DHX15: variants seen among roughly 807,000 people sequenced by gnomAD.
DHX15 encodes the protein ATP-dependent RNA helicase DHX15.
In DHX15, 11 loss-of-function variants were observed where a neutral mutation model predicts 94.4. That is an observed-to-expected ratio of 0.12 (90% CI 0.07 to 0.19). The LOEUF (loss-of-function observed/expected upper bound fraction) is 0.19, where lower values mean the gene tolerates loss of function less well. Among genes scored for constraint, DHX15 ranks in the 10% least tolerant of loss-of-function variants. The pLI is 1.00. For missense variants in DHX15, 304 were observed against 988.5 expected, an observed-to-expected ratio of 0.31 and a Z score of 9.29; for synonymous variants, 338 against 329.9, an observed-to-expected ratio of 1.02 and a Z score of -0.27.
chr4:24,527,548 T>C lies in DHX15; in HGVS notation c.*376A>G, dbSNP rs1052849712. On this transcript the variant is annotated 3_prime_UTR_variant, in exon 14 of 14. Transcript: ENST00000336812. Reference sequence around the variant, plus strand: ...AAGATTGTGTCTACATAAGCACAAGTTGTAACATTTCACAACTTCTAAAAG... The same window carrying C: ...AAGATTGTGTCTACATAAGCACAAGCTGTAACATTTCACAACTTCTAAAAG... The C allele has an allele frequency of 3.5e-5, 6 of 170,644 alleles. No individual in the cohort carries two copies. Among genetic ancestry groups the C allele is most frequent in the Non-Finnish European group, 7.6e-5 (6 of 78,828 alleles). 10.6% of individuals were successfully genotyped at this position (170,644 alleles called of 1,614,324 possible).
At chr4:24,570,082 T>A (rs1393625513) in intron 3 of DHX15, among the ~76,000 whole-genome samples, 1 of 152,206 alleles carries the variant, frequency 6.6e-6, no homozygotes, top group Non-Finnish European at 1.5e-5. Context: ...CAATAAAAAG[T>A]TGGTAGAGTT....
chr4:24,529,618 T>C lies in DHX15; in HGVS notation c.2253A>G (p.Thr751=). ...LTTKNYIRTC[T]DIKPEWLVKI... ...GTACTTACCATTCTGGCTTGATATC[T>C]GTACATGTCCGGATGTAATTCTTTG... Residue 751 remains threonine, a synonymous_variant, in exon 13 of 14, where the codon ACA becomes ACG. Coordinates refer to ENST00000336812, the MANE Select transcript of DHX15 (RefSeq NM_001358.3). The C allele has an allele frequency of 6.2e-7, 1 of 1,614,164 alleles. No individual in the cohort carries two copies. The highest frequency in any genetic ancestry group is 1.6e-4 in the Middle Eastern group (1 of 6,062).
At chr4:24,552,933 C>G (rs183784496) in intron 5 of DHX15, among the ~76,000 whole-genome samples, 1 of 152,332 alleles carries the variant, frequency 6.6e-6, no homozygotes. Flanking sequence ...AAAAACCTTT[C>G]GGGTCCTTAA....
At chr4:24,562,540 A>G (rs914379381) in intron 3 of DHX15, among the ~76,000 whole-genome samples, 5 of 152,320 alleles carry the variant, frequency 3.3e-5, no homozygotes, top group South Asian at 4.1e-4. Flanking sequence ...GTTTAAAATA[A>G]AACAATGTAC....
chr4:24,562,131 C>CAAAAAAA (rs71196191), intron 3 of DHX15, among the ~76,000 whole-genome samples: 3 of 77,824 alleles, frequency 3.9e-5, no homozygotes, highest in African/African-American at 4.9e-5. Context: ...GACACTGTCT[C>CAAAAAAA]AAAAAAAAAA....
At chr4:24,567,138 T>C (rs1023083854) in intron 3 of DHX15, among the ~76,000 whole-genome samples, 2 of 152,204 alleles carry the variant, frequency 1.3e-5, no homozygotes, top group African/African-American at 4.8e-5. Flanking sequence ...AGGAAGCATA[T>C]CACCTAAAAT....
At chr4:24,552,903 C>T (rs28390996) in intron 5 of DHX15, among the ~76,000 whole-genome samples, 5,354 of 152,282 alleles carry the variant, frequency 0.035, 285 homozygotes, top group African/African-American at 0.11. Context: ...CAGAAAATAC[C>T]GCACAAAGTT....
chr4:24,548,568 C>A (rs1327684967), intron 6 of DHX15, among the ~76,000 whole-genome samples: 1 of 152,198 alleles, frequency 6.6e-6, no homozygotes. Flanking sequence ...AAAGTGCTTA[C>A]TTTATAACAA....
chr4:24,553,849 A>C (rs1721663651), intron 5 of DHX15, among the ~76,000 whole-genome samples: 1 of 152,170 alleles, frequency 6.6e-6, no homozygotes, highest in Non-Finnish European at 1.5e-5. Context: ...TATTATCCAA[A>C]TAGCTTCTGA....
intron 3 of DHX15, among the ~76,000 whole-genome samples, chr4:24,563,634 T>A (rs554233462): frequency 1.4e-4 from 22 of 152,348 alleles, no homozygotes; most frequent in Admixed American, 9.8e-4. Context: ...ATAATTTTTT[T>A]ACTATTTTCC....
At chr4:24,530,934 T>C (rs1577330746) in intron 12 of DHX15, 1 of 152,312 alleles carries the variant, frequency 6.6e-6, no homozygotes, top group East Asian at 1.9e-4. Flanking sequence ...GAGATAGGGT[T>C]TTCCTATGTT....
chr4:24,560,293 C>A (rs1577344195), intron 3 of DHX15, among the ~76,000 whole-genome samples: 1 of 151,904 alleles, frequency 6.6e-6, no homozygotes, highest in South Asian at 2.1e-4. Context: ...GGCAAAAAAT[C>A]ATTTTTATAA....
chr4:24,535,472 G>A (rs999859757), intron 11 of DHX15, among the ~76,000 whole-genome samples: 7 of 152,110 alleles, frequency 4.6e-5, no homozygotes, highest in South Asian at 4.1e-4. Context: ...CTAATCAGGG[G>A]TAAGTCTTTA....
In DHX15 at chr4:24,584,419, A is replaced by C. The variant is rs200501351; in HGVS notation, c.-26T>G. On this transcript the variant is annotated 5_prime_UTR_variant, in exon 1 of 14. Coordinates refer to ENST00000336812, the MANE Select transcript of DHX15 (RefSeq NM_001358.3). Reference sequence around the variant, plus strand: ...CCTCGCACTCTTCGAACGGGCAGTTATTAAGGAAGAAAGCTGGCTGCTGTA... The same window carrying C: ...CCTCGCACTCTTCGAACGGGCAGTTCTTAAGGAAGAAAGCTGGCTGCTGTA... 6.2e-7 allele frequency: 1 copy of C among 1,606,472 alleles called. No homozygotes were observed. The highest frequency in any genetic ancestry group is 1.3e-5 in the African/African-American group (1 of 74,142).
chr4:24,549,573 C>A (rs893152222), intron 5 of DHX15, among the ~76,000 whole-genome samples: 1 of 152,314 alleles, frequency 6.6e-6, no homozygotes, highest in African/African-American at 2.4e-5. Flanking sequence ...CAGAAAACTA[C>A]AGTCACACGT....
At chr4:24,547,948 T>TACATACA (rs1560766029) in intron 6 of DHX15, among the ~76,000 whole-genome samples, 6 of 31,174 alleles carry the variant, frequency 1.9e-4, no homozygotes, top group African/African-American at 1.4e-3. Context: ...TATATCTATA[T>TACATACA]CTATATCTAT....
intron 10 of DHX15, chr4:24,538,879 T>C (rs1435943705): frequency 6.6e-6 from 1 of 151,912 alleles, no homozygotes; most frequent in Admixed American, 6.6e-5. Context: ...CCTAGAGAAA[T>C]AAAAACTAGG....
At chr4:24,567,860 C>T (rs927286367) in intron 3 of DHX15, among the ~76,000 whole-genome samples, 9 of 152,058 alleles carry the variant, frequency 5.9e-5, no homozygotes, top group African/African-American at 2.2e-4. Context: ...CAAGCAAACA[C>T]ATAAAAAAGG....
chr4:24,557,797 C>T (rs778503452), intron 3 of DHX15, among the ~76,000 whole-genome samples: 5 of 152,060 alleles, frequency 3.3e-5, no homozygotes, highest in Non-Finnish European at 7.4e-5. Flanking sequence ...TAGCCCTTAG[C>T]TGCTTTGAAA....
Sources: gnomAD v4.1 joint callset for allele counts (sites outside exome capture counted in the v4.1 genomes callset) on GRCh38, gnomAD v4.1.1 for gene constraint, MANE v1.5 for transcripts, NCBI Gene and HGNC (gene_info 2026-07-23, HGNC 2026-07-21) for gene names.